Variants in FHAD1 observed in about 807,000 individuals in gnomAD.
FHAD1 encodes forkhead-associated domain-containing protein 1.
A neutral mutation model predicts 191.3 loss-of-function variants in FHAD1; 146 were observed. That is an observed-to-expected ratio of 0.76 (90% confidence interval 0.67 to 0.88). The LOEUF is 0.88. Among genes scored for constraint, FHAD1 ranks in the 40% least tolerant of loss-of-function variants. The pLI, the probability that FHAD1 is intolerant of heterozygous loss-of-function variation, is 0.00. For missense variants in FHAD1, 1,635 were observed against 1,785.8 expected (o/e 0.92, Z 1.52); for synonymous variants, 616 against 672.3 (o/e 0.92, Z 1.29).
intron 19 of FHAD1, among the ~76,000 whole-genome samples, chr1:15,350,258 A>G (rs1558191482): frequency 6.6e-6 from 1 of 152,252 alleles, no homozygotes; most frequent in Non-Finnish European, 1.5e-5. Flanking sequence ...ATCCTAGCGC[A>G]GGGGAGACAG....
At chr1:15,257,783 T>G (rs1648971045) in intron 2 of FHAD1, among the ~76,000 whole-genome samples, 1 of 152,220 alleles carries the variant, frequency 6.6e-6, no homozygotes, top group Admixed American at 6.5e-5. Context: ...ACGTAACATT[T>G]ATCATCTTCG....
At chr1:15,237,045 T>C (rs954123446) in intron 1 of FHAD1, among the ~76,000 whole-genome samples, 2 of 152,156 alleles carry the variant, frequency 1.3e-5, no homozygotes, top group African/African-American at 2.4e-5. Context: ...ACGCGTTTGC[T>C]TCCCCTTCCA....
At chr1:15,328,577 T>A in intron 13 of FHAD1, 148 bp downstream of exon 13, 1 of 696,880 alleles carries the variant, frequency 1.4e-6, no homozygotes, top group South Asian at 4.1e-5. Flanking sequence ...AGAAACTTGT[T>A]GGAGAAGAAA....
Position 15,382,201 on chromosome 1 carries a change from G to T in FHAD1, c.4188+8G>T. On this transcript the variant is annotated splice_region_variant and intron_variant, in intron 31 of 33. Coordinates refer to ENST00000688493, the MANE Select transcript of FHAD1 (RefSeq NM_001391957.1). The stretch of plus-strand genomic sequence containing the variant: ...GCCATCCGGCAGCAGAAGGTGAGGC[G>T]CTGCTGCCCAGGGCAGAACCTCCCA... The T allele has an allele frequency of 6.5e-7, 1 of 1,550,030 alleles. No homozygotes were observed. Among genetic ancestry groups the T allele is most frequent in the Non-Finnish European group, 8.7e-7 (1 of 1,146,690 alleles).
At chr1:15,294,420 G>T (rs1048419579) in intron 4 of FHAD1, among the ~76,000 whole-genome samples, 3 of 152,052 alleles carry the variant, frequency 2.0e-5, no homozygotes, top group Non-Finnish European at 4.4e-5. Context: ...TTGAGACAGA[G>T]GCTCACTCTG....
chr1:15,253,214 TGTA>T (rs1382159451), intron 2 of FHAD1, among the ~76,000 whole-genome samples: 1 of 151,914 alleles, frequency 6.6e-6, no homozygotes, highest in African/African-American at 2.4e-5. Flanking sequence ...GGACAATGTG[TGTA>T]GTTCTGTATC....
rs1658460671 is a variant in FHAD1, at chr1:15,276,553, C to T, written c.300+4024C>T. ...TGGTGACTCATGCCTGTAATCCCAG[C>T]ACTTTGGGAGGCCAAGGCAGGAGGA... On this transcript the variant is annotated intron_variant, in intron 3 of 33. Transcript: ENST00000688493. This position sits in a 1 kb window ranked among gnomAD's most constrained non-coding sequence, Gnocchi z 4.7. Among the ~76,000 whole-genome samples the T allele has an allele frequency of 6.6e-6, 1 of 152,198 alleles. No homozygotes were observed.
At chr1:15,238,035 C>T (rs1309607076) in intron 1 of FHAD1, among the ~76,000 whole-genome samples, 2 of 151,810 alleles carry the variant, frequency 1.3e-5, no homozygotes, top group African/African-American at 2.4e-5. Flanking sequence ...CAGATCACGA[C>T]GTCAGGAGTC....
At position 15,364,938 on chromosome 1, in the gene FHAD1, C is replaced by T. The variant is rs540843299; in HGVS notation, c.3048-889C>T. Among the ~76,000 whole-genome samples, 7 of 152,334 alleles carry T rather than the reference C, an allele frequency of 4.6e-5. No individual in the cohort carries two copies. In the South Asian group the frequency reaches 6.2e-4, roughly 14 times the overall value. ...CCATCCTGAGTCTCAGGGCACCAAA[C>T]GTGTGCTGCCCTCCAGGGGTGTGGG... On this transcript the variant is annotated intron_variant, in intron 23 of 33. Coordinates refer to ENST00000688493, the MANE Select transcript of FHAD1 (RefSeq NM_001391957.1).
chr1:15,364,896 A>C (rs2102731310), intron 23 of FHAD1, among the ~76,000 whole-genome samples: 1 of 152,284 alleles, frequency 6.6e-6, no homozygotes, highest in Admixed American at 6.5e-5. Flanking sequence ...CACTGGGCGC[A>C]GCCTCCCTCC....
intron 3 of FHAD1, among the ~76,000 whole-genome samples, chr1:15,282,938 C>G (rs1192042007): frequency 6.6e-6 from 1 of 152,212 alleles, no homozygotes; most frequent in African/African-American, 2.4e-5. Flanking sequence ...CAAGGGCAAA[C>G]CAGCAGTGTG....
intron 5 of FHAD1, among the ~76,000 whole-genome samples, chr1:15,299,824 G>A (rs1668174725): frequency 6.6e-6 from 1 of 152,254 alleles, no homozygotes; most frequent in Admixed American, 6.5e-5. Context: ...TATTGGATAA[G>A]GCAAAGGGCT....
chr1:15,271,428 C>T (rs1370453231), intron 2 of FHAD1, among the ~76,000 whole-genome samples: 1 of 152,224 alleles, frequency 6.6e-6, no homozygotes, highest in Non-Finnish European at 1.5e-5. Flanking sequence ...TTGTGCTGAG[C>T]TTCACTCAGT....
intron 5 of FHAD1, among the ~76,000 whole-genome samples, chr1:15,299,191 C>A (rs1210632288): frequency 1.7e-5 from 2 of 115,870 alleles, no homozygotes; most frequent in African/African-American, 1.1e-4. Context: ...CAGAGCAAGA[C>A]CCTGTCTCAA....
At chr1:15,281,571 C>T (rs1251215727) in intron 3 of FHAD1, among the ~76,000 whole-genome samples, 2 of 151,846 alleles carry the variant, frequency 1.3e-5, no homozygotes, top group Non-Finnish European at 2.9e-5. Context: ...ACCAGTCTGA[C>T]CAACATGGCA....
chr1:15,295,835 G>A (rs1402925221), intron 4 of FHAD1, among the ~76,000 whole-genome samples: 3 of 152,210 alleles, frequency 2.0e-5, no homozygotes, highest in African/African-American at 7.2e-5. Context: ...CTGTGTTTGT[G>A]GCACAGAAGC....
Position 15,317,930 on chromosome 1 carries a change from T to C in FHAD1, c.1365+2T>C. On this transcript the variant is annotated splice_donor_variant, in intron 10 of 33. Transcript: ENST00000688493. LOFTEE classifies it high-confidence loss of function. ...AGGACTCTGAGAGAAAAAAGCAAGG[T>C]ACGTAGTGGACAACAGGCCCAGAGA... 2 of 1,544,700 alleles carry C rather than the reference T, an allele frequency of 1.3e-6. No homozygotes were observed. Among genetic ancestry groups the C allele is most frequent in the East Asian group, 2.4e-5 (1 of 40,872 alleles).
chr1:15,328,674 C>G (rs962192418), intron 13 of FHAD1: 2 of 360,216 alleles, frequency 5.6e-6, no homozygotes, highest in Non-Finnish European at 9.9e-6. Context: ...TGACTTTGAG[C>G]GGCCCGCATC....
At chr1:15,280,634 T>A (rs1191288294) in intron 3 of FHAD1, among the ~76,000 whole-genome samples, 1 of 152,100 alleles carries the variant, frequency 6.6e-6, no homozygotes, top group Non-Finnish European at 1.5e-5. Context: ...GTCACACTCT[T>A]CCCAAACTGC....
Sources: gnomAD v4.1 joint callset for allele counts (sites outside exome capture counted in the v4.1 genomes callset) on GRCh38, gnomAD v4.1.1 for gene constraint, Gnocchi (gnomAD v3.1) non-coding constraint, MANE v1.5 for transcripts, NCBI Gene and HGNC (gene_info 2026-07-23, HGNC 2026-07-21) for gene names.